The following ZNF445 variants were observed in gnomAD, a reference collection of about 807,000 sequenced individuals.
The protein encoded by ZNF445 is zinc finger protein 168.
A neutral mutation model predicts 93.9 loss-of-function variants in ZNF445; 19 were observed. That is an observed-to-expected ratio of 0.20 (90% CI 0.14 to 0.30). The LOEUF is 0.30. ZNF445 is among the 10% of genes least tolerant of loss of function. The pLI is 1.00. For synonymous variants in ZNF445, 449 were observed against 446.3 expected (o/e 1.01, Z -0.08); for missense variants, 1,058 against 1,259.4 (o/e 0.84, Z 2.42).
intron 1 of ZNF445, among the ~76,000 whole-genome samples, chr3:44,460,901 G>T (rs1698105065): frequency 6.6e-6 from 1 of 152,198 alleles, no homozygotes; most frequent in Non-Finnish European, 1.5e-5. Flanking sequence ...CCATGGTTCA[G>T]TGGCCCCCCT....
rs894872788 is a variant in ZNF445, at chr3:44,433,007, C to T, written c.*13568G>A. 6.6e-6 allele frequency: 1 copy of T among 152,150 alleles called. No individual in the cohort carries two copies. The highest frequency in any genetic ancestry group is 6.5e-5 in the Admixed American group (1 of 15,270). 9.4% of individuals were successfully genotyped at this position (152,150 alleles called of 1,614,324 possible). ...GGAAGCACAGGAGATCACAGAAGACCTCAGCAGGCCAGCTTTGCAACATCC... is the reference window on the plus strand; with the variant it reads ...GGAAGCACAGGAGATCACAGAAGACTTCAGCAGGCCAGCTTTGCAACATCC... On this transcript the variant is annotated 3_prime_UTR_variant, in exon 8 of 8. Transcript: ENST00000396077.
chr3:44,454,282 T>A (rs901212754), intron 3 of ZNF445, among the ~76,000 whole-genome samples: 5 of 151,968 alleles, frequency 3.3e-5, no homozygotes, highest in Admixed American at 2.0e-4. Context: ...AGTTTTAACA[T>A]GTACTCTCCC....
chr3:44,457,401 A>T (rs1285566844), intron 2 of ZNF445, among the ~76,000 whole-genome samples: 5 of 152,024 alleles, frequency 3.3e-5, no homozygotes, highest in Admixed American at 2.0e-4. Flanking sequence ...CCTCCAGAGG[A>T]GGTGAGACTA....
chr3:44,476,474 C>G (rs1225860747), intron 1 of ZNF445, among the ~76,000 whole-genome samples: 1 of 152,014 alleles, frequency 6.6e-6, no homozygotes, highest in African/African-American at 2.4e-5. Context: ...CATGCACACA[C>G]ACACACGCAG....
chr3:44,453,672 G>T (rs1697986479), intron 3 of ZNF445, among the ~76,000 whole-genome samples: 1 of 152,148 alleles, frequency 6.6e-6, no homozygotes, highest in Non-Finnish European at 1.5e-5. Context: ...AATACAGGAA[G>T]CATCAGCTCC....
chr3:44,459,570 C>T (rs888672067), intron 1 of ZNF445, among the ~76,000 whole-genome samples: 18 of 152,092 alleles, frequency 1.2e-4, no homozygotes, highest in South Asian at 8.3e-4. Context: ...AACTTTTTAG[C>T]GGTGAAAATA....
intron 1 of ZNF445, among the ~76,000 whole-genome samples, chr3:44,473,180 G>A (rs1383173602): frequency 2.6e-5 from 4 of 152,072 alleles, no homozygotes; most frequent in East Asian, 1.9e-4. Context: ...AATGCAGGCC[G>A]GGCGCAGTGG....
chr3:44,451,390 C>A lies in ZNF445; in HGVS notation c.522G>T (p.Arg174Ser), dbSNP rs1263281811. The A allele has an allele frequency of 6.2e-7, 1 of 1,614,152 alleles. No homozygotes were observed. The highest frequency in any genetic ancestry group is 8.5e-7 in the Non-Finnish European group (1 of 1,180,012). Residue 174 changes from arginine (R) to serine (S), a missense_variant, in exon 4 of 8, where the codon AGG (arginine) becomes AGT (serine). By Grantham distance (110) the Arg-to-Ser change is moderately radical. Coordinates refer to ENST00000396077, the MANE Select transcript of ZNF445 (RefSeq NM_181489.6). ...GGTGGTCCCCCAGAGCAGAGCTGCTCCTGAGAGGTGAAGCAAGGGACCATA... is the reference window on the plus strand; with the variant it reads ...GGTGGTCCCCCAGAGCAGAGCTGCTACTGAGAGGTGAAGCAAGGGACCATA... ...AQIWSLASPL[R>S]SSSALGDHLE...
In ZNF445 at chr3:44,451,427, C is replaced by T. The variant is rs373762119; in HGVS notation, c.485G>A (p.Arg162Gln). 3.7e-6 allele frequency: 6 copies of T among 1,613,924 alleles called. No homozygotes were observed. Among genetic ancestry groups the T allele is most frequent in the Non-Finnish European group, 4.2e-6 (5 of 1,179,978 alleles). Residue 162 changes from arginine (R) to glutamine (Q), a missense_variant, in exon 4 of 8, where the codon CGA (arginine) becomes CAA (glutamine). By Grantham distance (43) the Arg-to-Gln change is conservative. Transcript: ENST00000396077. Reference sequence around the variant, plus strand: ...AGCAAGGGACCATATCTGTGCAGATCGCAGGGCTCCTGTACCCATCCAATG... The same window carrying T: ...AGCAAGGGACCATATCTGTGCAGATTGCAGGGCTCCTGTACCCATCCAATG... ...DVHWMGTGAL[R>Q]SAQIWSLASP...
chr3:44,451,498 T>C lies in ZNF445; in HGVS notation c.430-16A>G. On this transcript the variant is annotated splice_polypyrimidine_tract_variant and intron_variant, in intron 3 of 7. Coordinates refer to ENST00000396077, the MANE Select transcript of ZNF445 (RefSeq NM_181489.6). ...GGCCCGGGTCCTGGCAAGAAGAAAATGTTGTGAGAGGATCTTTCTGGGAAT... is the reference window on the plus strand; with the variant it reads ...GGCCCGGGTCCTGGCAAGAAGAAAACGTTGTGAGAGGATCTTTCTGGGAAT... The C allele has an allele frequency of 6.3e-7, 1 of 1,589,514 alleles. No individual in the cohort carries two copies. The highest frequency in any genetic ancestry group is 2.3e-5 in the East Asian group (1 of 44,272).
rs923444065 is a variant in ZNF445 at position 44,435,308 on chromosome 3, C to T, written c.*11267G>A. ...AATAATTCTTCTCTCTTTTGCAAAA[C>T]CCATGTCACAGTGATTGATTTACTG... On this transcript the variant is annotated 3_prime_UTR_variant, in exon 8 of 8. Transcript: ENST00000396077. 4.6e-5 allele frequency: 7 copies of T among 152,148 alleles called. No individual in the cohort carries two copies. Among genetic ancestry groups the T allele is most frequent in the African/African-American group, 1.4e-4 (6 of 41,424 alleles). 9.4% of individuals were successfully genotyped at this position (152,148 alleles called of 1,614,324 possible). A position where few individuals can be genotyped will look rare whatever the true frequency, so the allele number is the denominator to read the frequency against.
At chr3:44,449,461 G>A (rs973412948) in intron 7 of ZNF445, 52 bp downstream of exon 7, 1 of 1,410,916 alleles carries the variant, frequency 7.1e-7, no homozygotes, top group Non-Finnish European at 1.0e-6. Context: ...CCTTAAGAAA[G>A]AGAAAAGTAA....
chr3:44,476,885 C>G (rs530482549), intron 1 of ZNF445, among the ~76,000 whole-genome samples: 10 of 152,176 alleles, frequency 6.6e-5, no homozygotes, highest in African/African-American at 2.4e-4. Context: ...AAACTGCAAA[C>G]ACGATTTCTT....
chr3:44,465,853 G>C (rs1455143261), intron 1 of ZNF445, among the ~76,000 whole-genome samples: 1 of 152,174 alleles, frequency 6.6e-6, no homozygotes. Flanking sequence ...GGCGGAGGTT[G>C]CAGTGAGTCG....
intron 1 of ZNF445, among the ~76,000 whole-genome samples, chr3:44,459,563 T>G (rs1027653045): frequency 6.6e-6 from 1 of 152,212 alleles, no homozygotes; most frequent in Admixed American, 6.5e-5. Context: ...CCAAGATAAC[T>G]TTTTAGCGGT....
At chr3:44,449,440 G>A in intron 7 of ZNF445, 73 bp downstream of exon 7, 2 of 1,208,634 alleles carry the variant, frequency 1.7e-6, no homozygotes, top group African/African-American at 1.5e-5. Context: ...AATTCCCAGT[G>A]ATGTAACTGA....
At chr3:44,449,033 C>G (rs1001113108) in intron 7 of ZNF445, among the ~76,000 whole-genome samples, 2 of 152,092 alleles carry the variant, frequency 1.3e-5, no homozygotes, top group African/African-American at 4.8e-5. Context: ...AAAATCATGG[C>G]ATTATAGAAA....
chr3:44,467,870 T>C (rs1320854481), intron 1 of ZNF445, among the ~76,000 whole-genome samples: 1 of 152,222 alleles, frequency 6.6e-6, no homozygotes, highest in East Asian at 1.9e-4. Context: ...TGAGGGTTTT[T>C]TTCTGCAGTT....
chr3:44,449,673 C>CTACT (rs1204024472), intron 6 of ZNF445, 50 bp from the exon 7 acceptor site: 8 of 1,483,238 alleles, frequency 5.4e-6, no homozygotes, highest in Non-Finnish European at 7.5e-6. Flanking sequence ...TGACACAGAA[C>CTACT]TACTCTTCAG....
Sources: allele counts gnomAD v4.1 joint callset (sites outside exome capture counted in the v4.1 genomes callset), GRCh38; gene constraint gnomAD v4.1.1; transcripts MANE v1.5; gene names NCBI Gene and HGNC (gene_info 2026-07-23, HGNC 2026-07-21).